The following MIR2052HG variants were observed in gnomAD, a reference collection of about 807,000 sequenced individuals.
The protein encoded by MIR2052HG is MIR2052 host gene.
At chr8:74,635,860 G>C (rs1246554541) in intron 2 of MIR2052HG, among the ~76,000 whole-genome samples, 2 of 152,240 alleles carry the variant, frequency 1.3e-5, no homozygotes, top group African/African-American at 4.8e-5. Flanking sequence ...TCTGATGTGT[G>C]TTGACTACAA....
intron 2 of MIR2052HG, among the ~76,000 whole-genome samples, chr8:74,678,333 C>A (rs1385448503): frequency 1.3e-5 from 2 of 152,068 alleles, no homozygotes; most frequent in African/African-American, 2.4e-5. Flanking sequence ...CCAAGGCCGG[C>A]AGATCGCCTG....
chr8:74,696,017 A>G (rs1809292248), intron 2 of MIR2052HG, among the ~76,000 whole-genome samples: 1 of 152,198 alleles, frequency 6.6e-6, no homozygotes, highest in South Asian at 2.1e-4. Flanking sequence ...ACTGCAGAAC[A>G]TACAGTCTTT....
intron 2 of MIR2052HG, among the ~76,000 whole-genome samples, chr8:74,677,757 G>A (rs112494808): frequency 1.6e-4 from 25 of 152,174 alleles, no homozygotes; most frequent in African/African-American, 5.8e-4. Context: ...AAAATGGAAT[G>A]AGTCAGATAT....
chr8:74,665,682 C>T (rs946896716), intron 2 of MIR2052HG, among the ~76,000 whole-genome samples: 17 of 152,102 alleles, frequency 1.1e-4, no homozygotes, highest in African/African-American at 3.9e-4. Flanking sequence ...CTTCTCACTT[C>T]TATTATAATA....
chr8:74,671,618 C>A (rs984459512), intron 2 of MIR2052HG, among the ~76,000 whole-genome samples: 3 of 151,944 alleles, frequency 2.0e-5, no homozygotes, highest in African/African-American at 7.3e-5. Flanking sequence ...AAGTTGGAAC[C>A]CGGGGTTGTT....
chr8:74,670,122 T>G (rs535919710), intron 2 of MIR2052HG, among the ~76,000 whole-genome samples: 1 of 152,306 alleles, frequency 6.6e-6, no homozygotes, highest in Admixed American at 6.5e-5. Context: ...GTTGGCACCT[T>G]TATTTCAGAC....
chr8:74,624,209 A>C (rs1043145876), intron 2 of MIR2052HG, among the ~76,000 whole-genome samples: 1 of 152,226 alleles, frequency 6.6e-6, no homozygotes, highest in Non-Finnish European at 1.5e-5. Context: ...CTTTTAGGGC[A>C]CCACCCAAGG....
In MIR2052HG at chr8:74,630,757, A is replaced by G. The variant is rs1808500222; in HGVS notation, n.216+17817A>G. Among the ~76,000 whole-genome samples the G allele has an allele frequency of 4.6e-5, 7 of 152,160 alleles. 1 individual carries two copies. The South Asian group carries it at 1.2e-3, about 27-fold the overall frequency. ...ATTTGTTCTAGTTTGCTCTACATTA[A>G]CAATTCACAACAAGAAGAGTGGAAA... On this transcript the variant is annotated intron_variant and non_coding_transcript_variant, in intron 2 of 6. Coordinates refer to ENST00000523442, the Ensembl canonical transcript of MIR2052HG.
intron 1 of MIR2052HG, among the ~76,000 whole-genome samples, chr8:74,608,425 A>T (rs1413486206): frequency 6.6e-6 from 1 of 152,216 alleles, no homozygotes; most frequent in African/African-American, 2.4e-5. Flanking sequence ...AAAAACATCT[A>T]TAAGAATATT....
chr8:74,687,730 G>C (rs949962953), intron 2 of MIR2052HG, among the ~76,000 whole-genome samples: 1 of 152,082 alleles, frequency 6.6e-6, no homozygotes, highest in Non-Finnish European at 1.5e-5. Flanking sequence ...ACTTGCGCTA[G>C]ATAAAGAAGT....
At chr8:74,612,484 T>C (rs1808211849) in intron 1 of MIR2052HG, 1 of 171,096 alleles carries the variant, frequency 5.8e-6, no homozygotes, top group Admixed American at 5.7e-5. Context: ...TAACTGTAGT[T>C]GAGCAGCTAA....
intron 2 of MIR2052HG, among the ~76,000 whole-genome samples, chr8:74,695,672 GA>G (rs200312182): frequency 3.8e-4 from 55 of 145,250 alleles, no homozygotes; most frequent in Admixed American, 1.3e-3. Context: ...TCTTACATCA[GA>G]AAAAAAAAAC....
chr8:74,656,108 C>T (rs558584750), intron 2 of MIR2052HG, among the ~76,000 whole-genome samples: 3 of 152,274 alleles, frequency 2.0e-5, no homozygotes, highest in South Asian at 4.1e-4. Context: ...TTACCTGATA[C>T]CTGTATCTTC....
intron 2 of MIR2052HG, among the ~76,000 whole-genome samples, chr8:74,636,406 A>G (rs1586899605): frequency 6.6e-6 from 1 of 152,160 alleles, no homozygotes; most frequent in East Asian, 1.9e-4. Flanking sequence ...GTCTGAGTTA[A>G]CTAAGTTCCA....
At chr8:74,653,940 G>A (rs1259940853) in intron 2 of MIR2052HG, among the ~76,000 whole-genome samples, 1 of 152,074 alleles carries the variant, frequency 6.6e-6, no homozygotes, top group Non-Finnish European at 1.5e-5. Flanking sequence ...TTTCTCAGCA[G>A]GTTAGGAGTT....
intron 2 of MIR2052HG, among the ~76,000 whole-genome samples, chr8:74,688,575 A>G (rs59710586): frequency 0.03 from 4,590 of 152,348 alleles, 212 homozygotes; most frequent in African/African-American, 0.1. Flanking sequence ...TAGATGCTGC[A>G]CAAATATGGA....
At chr8:74,630,009 AG>A (rs1236098494) in intron 2 of MIR2052HG, among the ~76,000 whole-genome samples, 9 of 152,206 alleles carry the variant, frequency 5.9e-5, no homozygotes, top group African/African-American at 2.2e-4. Flanking sequence ...TGACTGAAGA[AG>A]GAGAAAACAT....
At chr8:74,704,342 A>C (rs1161508344) in intron 4 of MIR2052HG, among the ~76,000 whole-genome samples, 1 of 152,052 alleles carries the variant, frequency 6.6e-6, no homozygotes, top group African/African-American at 2.4e-5. Flanking sequence ...CACATGCAAT[A>C]GTTTTATGCT....
intron 2 of MIR2052HG, among the ~76,000 whole-genome samples, chr8:74,644,906 T>TAAAATAA (rs1808675576): frequency 6.6e-6 from 1 of 151,612 alleles, no homozygotes; most frequent in Non-Finnish European, 1.5e-5. Context: ...TAAAATAAAA[T>TAAAATAA]AAAATAAAAA....
Sources: allele counts gnomAD v4.1 joint callset (sites outside exome capture counted in the v4.1 genomes callset), GRCh38; gene constraint gnomAD v4.1.1; transcripts MANE v1.5; gene names NCBI Gene and HGNC (gene_info 2026-07-23, HGNC 2026-07-21).